SYN3: variants seen among roughly 807,000 people sequenced by gnomAD.
SYN3 encodes the protein synapsin III, also known as synapsin-3.
In SYN3, 35 loss-of-function variants were observed where a neutral mutation model predicts 65.8. That is an observed-to-expected ratio of 0.53 (90% CI 0.41 to 0.70). The LOEUF (loss-of-function observed/expected upper bound fraction) is 0.70. Among genes scored for constraint, SYN3 ranks in the 30% least tolerant of loss-of-function variants. The pLI is 0.00. For synonymous variants in SYN3, 270 were observed against 292.9 expected (o/e 0.92, Z 0.80); for missense variants, 680 against 749.0 (o/e 0.91, Z 1.08).
intron 7 of SYN3, among the ~76,000 whole-genome samples, chr22:32,586,105 CATGTAT>C (rs1161659249): frequency 3.5e-5 from 5 of 140,972 alleles, no homozygotes; most frequent in Non-Finnish European, 7.9e-5. Flanking sequence ...TATATGTATA[CATGTAT>C]ATGTATATAT....
At chr22:32,861,923 G>A (rs1254547952) in intron 6 of SYN3, 1 of 152,544 alleles carries the variant, frequency 6.6e-6, no homozygotes, top group African/African-American at 2.4e-5. Flanking sequence ...GTGTTTAAGA[G>A]AAAAATGAAA....
At chr22:32,802,673 G>T (rs1367949848) in intron 6 of SYN3, among the ~76,000 whole-genome samples, 1 of 152,120 alleles carries the variant, frequency 6.6e-6, no homozygotes, top group East Asian at 1.9e-4. Flanking sequence ...CGAGCTTCTG[G>T]GACTGCCAAG....
chr22:32,706,923 G>A (rs577477966), intron 6 of SYN3, among the ~76,000 whole-genome samples: 18 of 151,990 alleles, frequency 1.2e-4, no homozygotes, highest in Non-Finnish European at 2.2e-4. Context: ...TAGAGGGCAG[G>A]ACATTTCTCT....
At chr22:32,990,376 GC>G (rs2052670681) in intron 2 of SYN3, among the ~76,000 whole-genome samples, 16 of 79,190 alleles carry the variant, frequency 2.0e-4, no homozygotes, top group East Asian at 6.2e-4. Flanking sequence ...ATCCATCCAT[GC>G]ATCCATCCAC....
At chr22:32,653,569 T>C (rs1421579565) in intron 6 of SYN3, among the ~76,000 whole-genome samples, 2 of 152,138 alleles carry the variant, frequency 1.3e-5, no homozygotes, top group Admixed American at 1.3e-4. Flanking sequence ...TGGTGTATTT[T>C]TGGGGAAGCT....
At chr22:32,680,174 G>A (rs937182572) in intron 6 of SYN3, among the ~76,000 whole-genome samples, 2 of 152,048 alleles carry the variant, frequency 1.3e-5, no homozygotes, top group Non-Finnish European at 2.9e-5. Flanking sequence ...AGCTCGCCAT[G>A]GTGCCTTGGA....
intron 6 of SYN3, among the ~76,000 whole-genome samples, chr22:32,612,098 G>A (rs763089743): frequency 3.9e-5 from 6 of 152,112 alleles, no homozygotes; most frequent in Non-Finnish European, 7.4e-5. Flanking sequence ...CCTGTCCTTG[G>A]GACCCTTCTG....
chr22:32,568,008 C>G (rs1569046166), intron 7 of SYN3, among the ~76,000 whole-genome samples: 1 of 152,124 alleles, frequency 6.6e-6, no homozygotes, highest in African/African-American at 2.4e-5. Context: ...CAGAAGGGAC[C>G]GGACGGTCAC....
intron 3 of SYN3, among the ~76,000 whole-genome samples, chr22:32,972,056 C>G (rs1214754429): frequency 6.6e-6 from 1 of 152,134 alleles, no homozygotes; most frequent in Non-Finnish European, 1.5e-5. Context: ...TTGGAAGAGG[C>G]AGCTCTCCTC....
intron 6 of SYN3, among the ~76,000 whole-genome samples, chr22:32,664,650 G>A (rs1451474514): frequency 7.1e-6 from 1 of 139,998 alleles, no homozygotes; most frequent in African/African-American, 2.7e-5. Flanking sequence ...GAGTGCAGTG[G>A]TGCGATCTCG....
rs568241932 is a variant in SYN3 at position 32,508,339 on chromosome 22, A to C, written c.*5353T>G. 9.0e-3 allele frequency among the ~76,000 whole-genome samples: 1,371 copies of C among 152,000 alleles called. 21 individuals carry two copies. Among genetic ancestry groups the C allele is most frequent in the African/African-American group, 0.027 (1,137 of 41,442 alleles). ...CCCACCAGAGAACAACCCCCTTTGC[A>C]TGTAATTTTCCATTACCTTCCCAAA... On this transcript the variant is annotated 3_prime_UTR_variant, in exon 14 of 14. Coordinates refer to ENST00000358763, the MANE Select transcript of SYN3 (RefSeq NM_003490.4).
intron 3 of SYN3, among the ~76,000 whole-genome samples, chr22:32,933,397 C>T (rs1471650612): frequency 6.6e-6 from 1 of 152,064 alleles, no homozygotes; most frequent in Non-Finnish European, 1.5e-5. Context: ...GGTATTCAAA[C>T]CCAGGCGGTG....
chr22:33,006,603 G>C lies in SYN3; in HGVS notation c.60C>G (p.Gly20=). 6.2e-7 allele frequency: 1 copy of C among 1,609,994 alleles called. No homozygotes were observed. The highest frequency in any genetic ancestry group is 8.5e-7 in the Non-Finnish European group (1 of 1,177,548). The change falls in exon 2 of 14, where the codon GGC becomes GGG. Residue 20 remains glycine (G), a synonymous_variant. Coordinates refer to ENST00000358763, the MANE Select transcript of SYN3 (RefSeq NM_003490.4). The part of the protein sequence containing the change: ...DSSFMANLPN[G]YMTDLQRPDS... ...CTGGGCGTTGCAGGTCCGTCATATA[G>C]CCATTAGGCAGGTTGGCCATGAAGC...
intron 6 of SYN3, among the ~76,000 whole-genome samples, chr22:32,671,508 C>T (rs111213292): frequency 1.1e-4 from 16 of 151,680 alleles, no homozygotes; most frequent in Non-Finnish European, 2.1e-4. Flanking sequence ...GGTGCACACA[C>T]GCTCTCACAC....
chr22:32,535,784 G>GGGGT (rs1555891224), intron 9 of SYN3, among the ~76,000 whole-genome samples: 7 of 151,984 alleles, frequency 4.6e-5, no homozygotes, highest in African/African-American at 1.7e-4. Flanking sequence ...GGAGAATCGG[G>GGGGT]GGGGGGGCCC....
At chr22:33,027,935 T>C (rs2053667037) in intron 1 of SYN3, among the ~76,000 whole-genome samples, 1 of 152,222 alleles carries the variant, frequency 6.6e-6, no homozygotes, top group Admixed American at 6.5e-5. Flanking sequence ...AACAACCTTA[T>C]GAGTTGTACA....
At chr22:33,027,266 G>A (rs1190088357) in intron 1 of SYN3, among the ~76,000 whole-genome samples, 1 of 152,000 alleles carries the variant, frequency 6.6e-6, no homozygotes, top group Non-Finnish European at 1.5e-5. Flanking sequence ...ACTAGAATCT[G>A]TCATGTAGGT....
chr22:32,909,834 T>C (rs953661752), intron 4 of SYN3, among the ~76,000 whole-genome samples: 1 of 152,148 alleles, frequency 6.6e-6, no homozygotes, highest in Non-Finnish European at 1.5e-5. Flanking sequence ...TAGACTCGCC[T>C]TTGTGAAGCA....
At chr22:32,803,822 G>T (rs1055436752) in intron 6 of SYN3, among the ~76,000 whole-genome samples, 1 of 152,194 alleles carries the variant, frequency 6.6e-6, no homozygotes, top group African/African-American at 2.4e-5. Context: ...CTGGAAAATG[G>T]GCTGGGTGAC....
Sources: allele counts gnomAD v4.1 joint callset (sites outside exome capture counted in the v4.1 genomes callset), GRCh38; gene constraint gnomAD v4.1.1; transcripts MANE v1.5; gene names NCBI Gene and HGNC (gene_info 2026-07-23, HGNC 2026-07-21).